GRHL2: variants seen among roughly 807,000 people sequenced by gnomAD.
GRHL2 encodes the protein grainyhead-like protein 2 homolog.
GRHL2 carries 21 observed loss-of-function variants against 83.8 expected under a neutral mutation model. The observed-to-expected ratio is 0.25, with a 90% CI of 0.18 to 0.36. The LOEUF is 0.36. Ranked by LOEUF, GRHL2 falls within the 10% of genes least tolerant of loss-of-function variation. The pLI is 1.00. For missense variants in GRHL2, 623 were observed against 781.8 expected (o/e 0.80, Z 2.42); for synonymous variants, 280 against 278.9 (o/e 1.00, Z -0.04).
At chr8:101,649,548 C>T (rs1813580118) in intron 14 of GRHL2, 49 bp downstream of exon 14, 1 of 1,399,918 alleles carries the variant, frequency 7.1e-7, no homozygotes, top group Non-Finnish European at 1.0e-6. Flanking sequence ...TGTGTTCTCT[C>T]TCCTCTGGAA....
chr8:101,676,524 C>T, the GRHL2 span, among the ~76,000 whole-genome samples: 127 of 152,252 alleles, frequency 8.3e-4, 1 homozygote, highest in African/African-American at 3.0e-3. Context: ...CCATCTCACA[C>T]CAGTTAGAAT....
At chr8:101,565,867 T>C (rs1157490630) in intron 4 of GRHL2, among the ~76,000 whole-genome samples, 3 of 152,208 alleles carry the variant, frequency 2.0e-5, no homozygotes, top group Admixed American at 2.0e-4. Context: ...TTTGTAGAAT[T>C]AACATAGTTT....
intron 5 of GRHL2, among the ~76,000 whole-genome samples, chr8:101,571,753 C>T (rs994196612): frequency 4.6e-5 from 7 of 151,946 alleles, no homozygotes; most frequent in African/African-American, 1.7e-4. Flanking sequence ...TCTCAGGCTC[C>T]CCACTCATCC....
At chr8:101,674,752 C>CAAA in the GRHL2 span, among the ~76,000 whole-genome samples, 1 of 152,016 alleles carries the variant, frequency 6.6e-6, no homozygotes, top group African/African-American at 2.4e-5. Flanking sequence ...AGAGACACAA[C>CAAA]CAAAAAAGGG....
At chr8:101,506,551 G>A (rs1810344012) in intron 1 of GRHL2, among the ~76,000 whole-genome samples, 1 of 152,064 alleles carries the variant, frequency 6.6e-6, no homozygotes, top group African/African-American at 2.4e-5. Context: ...GCATTTAAAG[G>A]TGAAATCTAC....
At chr8:101,492,921 G>A in intron 1 of GRHL2, 132 bp downstream of exon 1, 4 of 842,096 alleles carry the variant, frequency 4.8e-6, no homozygotes, top group South Asian at 1.4e-5. Context: ...CTTTTTGGTG[G>A]ATCCAGACTT....
intron 7 of GRHL2, among the ~76,000 whole-genome samples, chr8:101,591,247 T>A (rs1812275568): frequency 6.6e-6 from 1 of 152,238 alleles, no homozygotes; most frequent in South Asian, 2.1e-4. Context: ...AGCATTGCAC[T>A]TTCACACATC....
chr8:101,551,624 AAAGAAAG>A (rs1253746780), intron 2 of GRHL2, among the ~76,000 whole-genome samples: 1 of 149,438 alleles, frequency 6.7e-6, no homozygotes, highest in Non-Finnish European at 1.5e-5. Context: ...GAGCAAAAAA[AAAGAAAG>A]AAAGAAAGAA....
intron 7 of GRHL2, among the ~76,000 whole-genome samples, chr8:101,594,085 A>G (rs1443898684): frequency 7.1e-6 from 1 of 140,762 alleles, no homozygotes; most frequent in Admixed American, 7.0e-5. Context: ...AAAAAAAAAA[A>G]AAAAAAAAAA....
chr8:101,505,493 C>T (rs1440073149), intron 1 of GRHL2, among the ~76,000 whole-genome samples: 1 of 144,716 alleles, frequency 6.9e-6, no homozygotes, highest in Non-Finnish European at 1.5e-5. Context: ...AGGAGAATCT[C>T]TTGAACCTGG....
chr8:101,550,190 T>TAA (rs1491102985), intron 2 of GRHL2, among the ~76,000 whole-genome samples: 78,790 of 149,894 alleles, frequency 0.53, 22,269 homozygotes, highest in Non-Finnish European at 0.65. Context: ...TTTTTTTTTT[T>TAA]AAAAAAATTA....
chr8:101,571,742 A>G (rs1022530851), intron 5 of GRHL2, among the ~76,000 whole-genome samples: 6 of 152,082 alleles, frequency 3.9e-5, no homozygotes, highest in Middle Eastern at 3.4e-3. Flanking sequence ...TCTGGTTCCA[A>G]TCTCAGGCTC....
At chr8:101,639,578 A>G (rs1813356597) in intron 12 of GRHL2, among the ~76,000 whole-genome samples, 1 of 152,196 alleles carries the variant, frequency 6.6e-6, no homozygotes, top group Non-Finnish European at 1.5e-5. Flanking sequence ...ATGATGCTCT[A>G]CTGTGTAACC....
At chr8:101,509,324 A>G (rs1810418775) in intron 1 of GRHL2, among the ~76,000 whole-genome samples, 1 of 150,524 alleles carries the variant, frequency 6.6e-6, no homozygotes, top group Non-Finnish European at 1.5e-5. Context: ...GTCACTTTTC[A>G]AAGATAAGGC....
Position 101,666,790 on chromosome 8 carries a change from C to A in GRHL2, c.*87C>A. 1 of 782,684 alleles carries A rather than the reference C, an allele frequency of 1.3e-6. No homozygotes were observed. Among genetic ancestry groups the A allele is most frequent in the Non-Finnish European group, 2.3e-6 (1 of 438,948 alleles). 48.5% of individuals were successfully genotyped at this position (782,684 alleles called of 1,614,324 possible). A position where few individuals can be genotyped will look rare whatever the true frequency, so the allele number is the denominator to read the frequency against. ...AAGCCCCAGCCCCAGAACCTGGAGA[C>A]CCATCTCCCCCATCTCACAACTGCT... On this transcript the variant is annotated 3_prime_UTR_variant, in exon 16 of 16. Coordinates refer to ENST00000646743, the MANE Select transcript of GRHL2 (RefSeq NM_024915.4).
At chr8:101,542,337 A>T (rs890833201) in intron 1 of GRHL2, among the ~76,000 whole-genome samples, 1 of 152,112 alleles carries the variant, frequency 6.6e-6, no homozygotes, top group African/African-American at 2.4e-5. Context: ...GCACTCTGGG[A>T]GGCCCAGGCA....
intron 14 of GRHL2, among the ~76,000 whole-genome samples, chr8:101,657,806 C>T (rs1054111022): frequency 6.7e-6 from 1 of 150,044 alleles, no homozygotes; most frequent in Non-Finnish European, 1.5e-5. Flanking sequence ...CGCCACTGCA[C>T]TCTAGCCTGG....
chr8:101,645,933 G>T (rs1278198129), intron 13 of GRHL2, among the ~76,000 whole-genome samples: 1 of 152,054 alleles, frequency 6.6e-6, no homozygotes, highest in Non-Finnish European at 1.5e-5. Context: ...GAGTGCAGTG[G>T]CGTGATTTCA....
chr8:101,520,220 C>T (rs1294860205), intron 1 of GRHL2, among the ~76,000 whole-genome samples: 2 of 152,138 alleles, frequency 1.3e-5, no homozygotes, highest in Non-Finnish European at 2.9e-5. Flanking sequence ...ACATTTCTAC[C>T]ATAGAGTATC....
Sources: gnomAD v4.1 joint callset for allele counts (sites outside exome capture counted in the v4.1 genomes callset) on GRCh38, gnomAD v4.1.1 for gene constraint, MANE v1.5 for transcripts, NCBI Gene and HGNC (gene_info 2026-07-23, HGNC 2026-07-21) for gene names.